The following PLCB1 variants were observed in gnomAD, a reference collection of about 807,000 sequenced individuals.
PLCB1 encodes phospholipase C beta 1, also known as 1-phosphatidylinositol 4,5-bisphosphate phosphodiesterase beta-1.
A neutral mutation model predicts 161.8 loss-of-function variants in PLCB1; 46 were observed. That is an observed-to-expected ratio of 0.28 (90% CI 0.22 to 0.36). The LOEUF (loss-of-function observed/expected upper bound fraction) is 0.36. PLCB1 is among the 10% of genes least tolerant of loss of function. PLCB1 has a pLI of 1.00. For synonymous variants in PLCB1, 517 were observed against 503.7 expected, an observed-to-expected ratio of 1.03 and a Z score of -0.35; for missense variants, 1,016 against 1,472.5, an observed-to-expected ratio of 0.69 and a Z score of 5.07.
chr20:8,521,622 T>G (rs1460007834), intron 3 of PLCB1, among the ~76,000 whole-genome samples: 1 of 152,134 alleles, frequency 6.6e-6, no homozygotes, highest in African/African-American at 2.4e-5. Flanking sequence ...GAGAATCACT[T>G]AAGCTCAGGA....
intron 27 of PLCB1, among the ~76,000 whole-genome samples, chr20:8,779,108 A>C (rs1186962142): frequency 6.6e-6 from 1 of 152,182 alleles, no homozygotes. Flanking sequence ...TCATCTCCCA[A>C]AATTGCTTTG....
At chr20:8,180,300 A>G (rs954847326) in intron 2 of PLCB1, among the ~76,000 whole-genome samples, 1 of 152,222 alleles carries the variant, frequency 6.6e-6, no homozygotes, top group African/African-American at 2.4e-5. Flanking sequence ...CCAGGGATAA[A>G]GCCTATTTGA....
chr20:8,188,588 G>T (rs1406305435), intron 2 of PLCB1, among the ~76,000 whole-genome samples: 2 of 152,046 alleles, frequency 1.3e-5, no homozygotes, highest in African/African-American at 4.8e-5. Context: ...ACATTATTAT[G>T]TGCTAATTCT....
intron 3 of PLCB1, among the ~76,000 whole-genome samples, chr20:8,539,781 C>T (rs1568499648): frequency 6.8e-6 from 1 of 147,894 alleles, no homozygotes; most frequent in African/African-American, 2.5e-5. Flanking sequence ...TCCTTCCTTC[C>T]TTCCTTCCTT....
chr20:8,703,565 C>A (rs1196832284), intron 11 of PLCB1, among the ~76,000 whole-genome samples: 1 of 152,118 alleles, frequency 6.6e-6, no homozygotes, highest in African/African-American at 2.4e-5. Context: ...GTTAGGGGCC[C>A]AGTAGGAGCA....
chr20:8,202,077 A>C (rs1183371460), intron 2 of PLCB1, among the ~76,000 whole-genome samples: 1 of 152,034 alleles, frequency 6.6e-6, no homozygotes, highest in East Asian at 1.9e-4. Context: ...TTGTTTGTGT[A>C]TTTTGTTGTT....
intron 3 of PLCB1, among the ~76,000 whole-genome samples, chr20:8,401,338 G>A (rs1158187309): frequency 1.3e-5 from 2 of 152,054 alleles, no homozygotes; most frequent in African/African-American, 4.8e-5. Flanking sequence ...ATTATGTTTT[G>A]TAGTCAAATT....
chr20:8,279,836 C>A (rs889189253), intron 2 of PLCB1, among the ~76,000 whole-genome samples: 5 of 152,136 alleles, frequency 3.3e-5, no homozygotes, highest in African/African-American at 4.8e-5. Context: ...TATCGGGATG[C>A]AACTATCAGG....
intron 2 of PLCB1, among the ~76,000 whole-genome samples, chr20:8,315,302 AG>A (rs139744360): frequency 0.017 from 2,586 of 152,336 alleles, 35 homozygotes; most frequent in Non-Finnish European, 0.026. Context: ...AAAGTGACAA[AG>A]GGCACCTGCC....
At position 8,322,388 on chromosome 20, in the gene PLCB1, T is replaced by C. The variant is rs1984959947; in HGVS notation, c.178-48994T>C. ...TATCAACCCATCCCCATGTGTCTTT[T>C]TTCCCTGCAGTCCAAGATTATTTAG... On this transcript the variant is annotated intron_variant, in intron 2 of 31. Transcript: ENST00000338037. Among the ~76,000 whole-genome samples, 5 of 152,288 alleles carry C rather than the reference T, an allele frequency of 3.3e-5. No individual in the cohort carries two copies. The South Asian group carries it at 1.0e-3, about 32-fold the overall frequency.
chr20:8,231,927 A>G (rs1475007290), intron 2 of PLCB1, among the ~76,000 whole-genome samples: 1 of 152,190 alleles, frequency 6.6e-6, no homozygotes. Context: ...ATGTATGTAA[A>G]ATAGCTCTAT....
intron 2 of PLCB1, among the ~76,000 whole-genome samples, chr20:8,317,994 CTT>C (rs201783826): frequency 7.1e-6 from 1 of 140,554 alleles, no homozygotes; most frequent in Non-Finnish European, 1.6e-5. Context: ...TATTTCTTTT[CTT>C]TTTTTTTTTT....
chr20:8,853,529 G>C (rs1986960370), intron 31 of PLCB1, among the ~76,000 whole-genome samples: 1 of 152,126 alleles, frequency 6.6e-6, no homozygotes. Flanking sequence ...CTGTAGTCGG[G>C]TTTTTAAAAA....
intron 2 of PLCB1, among the ~76,000 whole-genome samples, chr20:8,228,584 T>G (rs1291788113): frequency 6.6e-6 from 1 of 152,198 alleles, no homozygotes; most frequent in East Asian, 1.9e-4. Flanking sequence ...CACAGCTCAC[T>G]GCAGCCTTGA....
chr20:8,715,941 G>A, intron 12 of PLCB1: 1 of 266,340 alleles, frequency 3.8e-6, no homozygotes, highest in Non-Finnish European at 7.1e-6. Context: ...CTTGGAATCA[G>A]CGAGTTAAAC....
At chr20:8,719,858 T>TAA (rs547647385) in intron 14 of PLCB1, among the ~76,000 whole-genome samples, 27 of 152,014 alleles carry the variant, frequency 1.8e-4, no homozygotes, top group African/African-American at 6.5e-4. Context: ...CAATCAGGGT[T>TAA]AAAAAAAAGT....
chr20:8,199,522 C>T (rs1417158572), intron 2 of PLCB1, among the ~76,000 whole-genome samples: 1 of 151,930 alleles, frequency 6.6e-6, no homozygotes, highest in Non-Finnish European at 1.5e-5. Flanking sequence ...TATTTTATTT[C>T]TTTATTTTGA....
At chr20:8,316,683 G>A (rs1173725937) in intron 2 of PLCB1, among the ~76,000 whole-genome samples, 4 of 152,010 alleles carry the variant, frequency 2.6e-5, no homozygotes, top group African/African-American at 9.7e-5. Context: ...CTTTTCCAAG[G>A]AATCAGTGAT....
At chr20:8,772,414 G>A (rs1443793692) in intron 26 of PLCB1, among the ~76,000 whole-genome samples, 1 of 152,096 alleles carries the variant, frequency 6.6e-6, no homozygotes, top group African/African-American at 2.4e-5. Context: ...TTTTGACCTT[G>A]GGCAAGTTGC....
Sources: allele counts gnomAD v4.1 joint callset (sites outside exome capture counted in the v4.1 genomes callset), GRCh38; gene constraint gnomAD v4.1.1; transcripts MANE v1.5; gene names NCBI Gene and HGNC (gene_info 2026-07-23, HGNC 2026-07-21).